Variants in COLQ observed in about 807,000 individuals in gnomAD.
COLQ encodes the protein collagen like tail subunit of asymmetric acetylcholinesterase, also known as acetylcholinesterase collagenic tail peptide.
In COLQ, 48 loss-of-function variants were observed where a neutral mutation model predicts 69.0. That is an observed-to-expected ratio of 0.70 (90% CI 0.55 to 0.88). The LOEUF (loss-of-function observed/expected upper bound fraction) is 0.88, where lower values mean the gene tolerates loss of function less well. Among genes scored for constraint, COLQ ranks in the 40% least tolerant of loss-of-function variants. The probability of loss-of-function intolerance (pLI) is 0.00; values close to 1 mark genes in which losing one functional copy is unlikely to be tolerated. For synonymous variants in COLQ, 217 were observed against 211.2 expected (o/e 1.03, Z -0.24); for missense variants, 618 against 594.6 (o/e 1.04, Z -0.41).
chr3:15,505,071 G>A (rs1385300319), intron 1 of COLQ, among the ~76,000 whole-genome samples: 3 of 152,158 alleles, frequency 2.0e-5, no homozygotes, highest in Non-Finnish European at 4.4e-5. Context: ...ATTTTAGATA[G>A]TCAACAGAGA....
At chr3:15,466,807 C>T (rs112068527) in intron 11 of COLQ, among the ~76,000 whole-genome samples, 20 of 152,314 alleles carry the variant, frequency 1.3e-4, no homozygotes, top group African/African-American at 3.8e-4. Context: ...CTGCAGCCTG[C>T]GAAGCCTTGC....
Position 15,489,514 on chromosome 3 carries a change from A to G in COLQ, c.219+11T>C, listed in dbSNP as rs2125138945. The G allele has an allele frequency of 1.2e-6, 2 of 1,613,806 alleles. No individual in the cohort carries two copies. The highest frequency in any genetic ancestry group is 1.7e-5 in the Admixed American group (1 of 60,006). ...CACTTTTTTTCCTCTCATAAATCCC[A>G]AAGTACTCACCGGACTTCGGCCACC... On this transcript the variant is annotated intron_variant, in intron 2 of 16. Transcript: ENST00000383788.
At chr3:15,456,345 C>T (rs372296111) in intron 14 of COLQ, 115 bp downstream of exon 14, 1 of 1,419,238 alleles carries the variant, frequency 7.0e-7, no homozygotes, top group South Asian at 1.3e-5. Flanking sequence ...CCCTCCCATG[C>T]AGACAGACTG....
intron 1 of COLQ, among the ~76,000 whole-genome samples, chr3:15,499,628 G>C (rs962331171): frequency 6.6e-6 from 1 of 152,216 alleles, no homozygotes; most frequent in African/African-American, 2.4e-5. Context: ...ACCTTCAAAA[G>C]AAAGGACACT....
intron 7 of COLQ, 179 bp from the exon 8 acceptor site, chr3:15,475,130 C>A: frequency 2.7e-6 from 2 of 728,402 alleles, no homozygotes; most frequent in Non-Finnish European, 4.8e-6. Flanking sequence ...TTATACCAGG[C>A]CTAAAAGGAA....
chr3:15,496,227 C>T (rs1173271280), intron 1 of COLQ: 2 of 153,882 alleles, frequency 1.3e-5, no homozygotes, highest in Non-Finnish European at 2.9e-5. Context: ...TCCCCCTCAC[C>T]CTTTCCCCCT....
At chr3:15,493,389 T>TC (rs1180424656) in intron 1 of COLQ, among the ~76,000 whole-genome samples, 30 of 152,198 alleles carry the variant, frequency 2.0e-4, no homozygotes, top group African/African-American at 6.8e-4. Flanking sequence ...AGCCAATGAG[T>TC]CAATGGGACA....
intron 1 of COLQ, among the ~76,000 whole-genome samples, chr3:15,516,449 A>C (rs1186075005): frequency 1.3e-5 from 2 of 151,874 alleles, no homozygotes; most frequent in East Asian, 3.9e-4. Flanking sequence ...ATCTGATCTC[A>C]CTCTACAGGA....
chr3:15,451,256 A>G lies in COLQ; in HGVS notation c.*388T>C. The G allele has an allele frequency of 3.2e-6, 1 of 312,224 alleles. No homozygotes were observed. Among genetic ancestry groups the G allele is most frequent in the Non-Finnish European group, 6.3e-6 (1 of 159,792 alleles). 19.3% of individuals were successfully genotyped at this position (312,224 alleles called of 1,614,324 possible). On this transcript the variant is annotated 3_prime_UTR_variant, in exon 17 of 17. Coordinates refer to ENST00000383788, the MANE Select transcript of COLQ (RefSeq NM_005677.4). ...AGGGGCGGAGAGGCCTGTACTCCAG[A>G]TTCCCCAAAGAGATCAAAACATTCT...
rs115046200 is a variant in COLQ at position 15,491,102 on chromosome 3, C to T, written c.107-1465G>A. On this transcript the variant is annotated intron_variant, in intron 1 of 16. Coordinates refer to ENST00000383788, the MANE Select transcript of COLQ (RefSeq NM_005677.4). ...GTTATTGCAAATTTTTCAAGATAAA[C>T]GTTTTAGTTAAGAGCCAGCTTGAAT... Among the ~76,000 whole-genome samples, 1,204 of 151,674 alleles carry T rather than the reference C, an allele frequency of 7.9e-3. 14 individuals carry two copies. The highest frequency in any genetic ancestry group is 0.027 in the African/African-American group (1,130 of 41,316).
rs543974055 is a variant in COLQ, at chr3:15,480,392, T to C, written c.322-1010A>G. 1.7e-4 allele frequency among the ~76,000 whole-genome samples: 26 copies of C among 151,998 alleles called. No homozygotes were observed. In the South Asian group the frequency reaches 5.4e-3, roughly 32 times the overall value. On this transcript the variant is annotated intron_variant, in intron 3 of 16. Coordinates refer to ENST00000383788, the MANE Select transcript of COLQ (RefSeq NM_005677.4). ...TTCCCCACCCTGTGTCCAGGTGTTC[T>C]CATTGTTCAATTCCCACCTATGAGT...
intron 4 of COLQ, 71 bp downstream of exon 4, chr3:15,479,266 CT>C: frequency 6.6e-7 from 1 of 1,505,618 alleles, no homozygotes. Flanking sequence ...CTAGGAAATT[CT>C]CAGTGGGATG....
At chr3:15,498,748 G>C in intron 1 of COLQ, 1 of 1,530,708 alleles carries the variant, frequency 6.5e-7, no homozygotes, top group Non-Finnish European at 8.8e-7. Flanking sequence ...AGATGCCAGG[G>C]GTCTGGAGCC....
chr3:15,454,278 G>A (rs868411190), intron 15 of COLQ, among the ~76,000 whole-genome samples: 11 of 152,322 alleles, frequency 7.2e-5, no homozygotes, highest in Middle Eastern at 3.4e-3. Context: ...TTGGAAGACT[G>A]CTGAGCCCCA....
At chr3:15,460,485 G>A (rs114553010) in intron 12 of COLQ, among the ~76,000 whole-genome samples, 241 of 152,332 alleles carry the variant, frequency 1.6e-3, no homozygotes, top group African/African-American at 5.5e-3. Context: ...CAGGCAGTAT[G>A]ACATCTGGGG....
At chr3:15,469,325 T>C (rs910602456) in intron 11 of COLQ, among the ~76,000 whole-genome samples, 7 of 152,206 alleles carry the variant, frequency 4.6e-5, no homozygotes, top group African/African-American at 1.7e-4. Flanking sequence ...AGGAAGCTTC[T>C]GGAACCCCAA....
Position 15,473,928 on chromosome 3 carries a change from G to A in COLQ, c.636+72C>T. 6.6e-7 allele frequency: 1 copy of A among 1,515,928 alleles called. No individual in the cohort carries two copies. Among genetic ancestry groups the A allele is most frequent in the South Asian group, 1.1e-5 (1 of 88,206 alleles). The allele number at this position is 1,515,928 out of a possible 1,614,324, so 93.9% of individuals were successfully genotyped here. ...CCTGCCTGATAGACAAGGAGGCAGA[G>A]TTCTTTTTGTTGTGCTTGGAGGACC... On this transcript the variant is annotated intron_variant, in intron 10 of 16. Transcript: ENST00000383788. This position sits in a 1 kb window ranked among gnomAD's most constrained non-coding sequence, Gnocchi z 4.0.
At chr3:15,495,092 A>G (rs1207740533) in intron 1 of COLQ, among the ~76,000 whole-genome samples, 1 of 152,204 alleles carries the variant, frequency 6.6e-6, no homozygotes, top group Non-Finnish European at 1.5e-5. Context: ...CTTCCTCTTG[A>G]GCTCTACACC....
intron 1 of COLQ, among the ~76,000 whole-genome samples, chr3:15,517,603 TAGCTGACCCTC>T (rs2063079788): frequency 6.6e-6 from 1 of 152,050 alleles, no homozygotes; most frequent in Admixed American, 6.6e-5. Context: ...CAAGCTAGAT[TAGCTGACCCTC>T]AGTTTACCCA....
Sources: gnomAD v4.1 joint callset for allele counts (sites outside exome capture counted in the v4.1 genomes callset) on GRCh38, gnomAD v4.1.1 for gene constraint, Gnocchi (gnomAD v3.1) non-coding constraint, MANE v1.5 for transcripts, NCBI Gene and HGNC (gene_info 2026-07-23, HGNC 2026-07-21) for gene names.